The following MET variants were observed in gnomAD, a reference collection of about 807,000 sequenced individuals.
MET encodes hepatocyte growth factor receptor.
MET carries 48 observed loss-of-function variants against 133.1 expected under a neutral mutation model. The ratio of observed to expected loss-of-function variants is 0.36; its 90% CI spans 0.29 to 0.46. MET has a LOEUF of 0.46. Ranked by LOEUF, MET falls within the 20% of genes least tolerant of loss-of-function variation. The pLI is 1.00. For missense variants in MET, 1,442 were observed against 1,695.9 expected, an observed-to-expected ratio of 0.85 and a Z score of 2.63; for synonymous variants, 628 against 616.5, an observed-to-expected ratio of 1.02 and a Z score of -0.28.
intron 19 of MET, 152 bp from the exon 20 acceptor site, chr7:116,795,503 G>A (rs2117106087): frequency 2.1e-6 from 2 of 932,714 alleles, no homozygotes; most frequent in East Asian, 2.4e-5. Flanking sequence ...GAAATGTATA[G>A]CTTAATAATT....
At chr7:116,719,245 G>C (rs1236158827) in intron 2 of MET, among the ~76,000 whole-genome samples, 8 of 147,234 alleles carry the variant, frequency 5.4e-5, no homozygotes, top group Non-Finnish European at 1.2e-4. Context: ...GATGGCCAGT[G>C]ATGATGAGCA....
intron 19 of MET, among the ~76,000 whole-genome samples, chr7:116,784,693 T>A (rs1010525134): frequency 3.9e-5 from 6 of 152,164 alleles, no homozygotes; most frequent in Non-Finnish European, 8.8e-5. Flanking sequence ...CAATTTTACA[T>A]GAGAGTTGGG....
chr7:116,689,976 A>G (rs569744962), intron 1 of MET, among the ~76,000 whole-genome samples: 1 of 152,252 alleles, frequency 6.6e-6, no homozygotes, highest in African/African-American at 2.4e-5. Context: ...AAGGGCTTCA[A>G]GAACTTGAAC....
chr7:116,731,828 A>G lies in MET; in HGVS notation c.1361A>G (p.Asn454Ser). ...ATTAAAGGAGACCTCACCATAGCTA[A>G]TCTTGGGACATCAGAGGGTCGCTTC... is the stretch of plus-strand genomic sequence containing the variant. ...TFIKGDLTIA[N>S]LGTSEGRFMQ... The change falls in exon 3 of 21, where the codon AAT (asparagine) becomes AGT (serine). Residue 454 changes from asparagine (N) to serine (S), a missense_variant. By Grantham distance (46) the Asn-to-Ser change is conservative. Around this residue, in one of 6 missense-constraint regions of MET, gnomAD observed 762 missense variants for 792.4 expected, o/e 0.96. Coordinates refer to ENST00000397752, the MANE Select transcript of MET (RefSeq NM_000245.4). 1 of 1,614,060 alleles carries G rather than the reference A, an allele frequency of 6.2e-7. No individual in the cohort carries two copies. Among genetic ancestry groups the G allele is most frequent in the Non-Finnish European group, 8.5e-7 (1 of 1,179,930 alleles).
At chr7:116,738,399 A>G (rs905762881) in intron 3 of MET, among the ~76,000 whole-genome samples, 2 of 152,144 alleles carry the variant, frequency 1.3e-5, no homozygotes, top group Non-Finnish European at 2.9e-5. Flanking sequence ...ACCCAAAGGG[A>G]GGTGGGACTG....
At chr7:116,743,275 G>T (rs1478591342) in intron 5 of MET, among the ~76,000 whole-genome samples, 1 of 152,230 alleles carries the variant, frequency 6.6e-6, no homozygotes, top group Non-Finnish European at 1.5e-5. Context: ...TACACCACCA[G>T]GACCCTGGGT....
intron 11 of MET, among the ~76,000 whole-genome samples, chr7:116,764,168 A>G (rs1312007874): frequency 6.6e-6 from 1 of 152,092 alleles, no homozygotes; most frequent in African/African-American, 2.4e-5. Context: ...AATTTTTCTG[A>G]CTTTTTCAAC....
chr7:116,787,465 G>T (rs185799332), intron 19 of MET, among the ~76,000 whole-genome samples: 1 of 152,172 alleles, frequency 6.6e-6, no homozygotes, highest in Non-Finnish European at 1.5e-5. Flanking sequence ...AGATCAAGGG[G>T]CCACATGTGC....
intron 1 of MET, among the ~76,000 whole-genome samples, chr7:116,692,760 A>G (rs1796817392): frequency 6.6e-6 from 1 of 152,230 alleles, no homozygotes; most frequent in South Asian, 2.1e-4. Context: ...TTTGCCAGTG[A>G]TATTACCTTA....
At chr7:116,726,883 G>A (rs553774616) in intron 2 of MET, among the ~76,000 whole-genome samples, 1 of 152,318 alleles carries the variant, frequency 6.6e-6, no homozygotes, top group African/African-American at 2.4e-5. Context: ...CAGTGAGGAA[G>A]CACTTAGGCT....
chr7:116,761,679 A>G (rs866139419), intron 10 of MET, among the ~76,000 whole-genome samples: 3 of 152,246 alleles, frequency 2.0e-5, no homozygotes, highest in Middle Eastern at 3.4e-3. Context: ...TATGTAAACA[A>G]TTATTGTGAT....
chr7:116,795,666 C>G lies in MET; in HGVS notation c.3810C>G (p.Gly1270=), dbSNP rs200865810. The change falls in exon 20 of 21, where the codon GGC becomes GGG. Residue 1270 remains glycine (G), a synonymous_variant. Transcript: ENST00000397752. The stretch of plus-strand genomic sequence containing the variant: ...TCTTGTTTTACTAGTGGTCCTTTGG[C>G]GTGCTCCTCTGGGAGCTGATGACAA... ...FTTKSDVWSF[G]VLLWELMTRG... 1.9e-6 allele frequency: 3 copies of G among 1,613,876 alleles called. No individual in the cohort carries two copies. Among genetic ancestry groups the G allele is most frequent in the Non-Finnish European group, 2.5e-6 (3 of 1,180,004 alleles).
chr7:116,757,239 C>T (rs1232614145), intron 6 of MET, among the ~76,000 whole-genome samples, 198 bp from the exon 7 acceptor site: 1 of 152,048 alleles, frequency 6.6e-6, no homozygotes, highest in Non-Finnish European at 1.5e-5. Flanking sequence ...TCTCTTTTTA[C>T]ATAAAAATAA....
intron 8 of MET, 124 bp from the exon 9 acceptor site, chr7:116,758,335 G>T (rs1264001884): frequency 1.1e-6 from 1 of 948,780 alleles, no homozygotes; most frequent in Non-Finnish European, 1.6e-6. Context: ...ACTAGAAAAG[G>T]CTTCCACTCA....
In MET at chr7:116,720,067, A is replaced by C. The variant is rs547930175; in HGVS notation, c.1201-11601A>C. Among the ~76,000 whole-genome samples, 271 of 152,318 alleles carry C rather than the reference A, an allele frequency of 1.8e-3. 2 individuals are homozygous for C. The highest frequency in any genetic ancestry group is 6.2e-3 in the African/African-American group (257 of 41,560). On this transcript the variant is annotated intron_variant, in intron 2 of 20. Transcript: ENST00000397752. ...TTTATGGGGATGGCATTGAATCTAT[A>C]AATTACCTTGGGCAGTATGGCCATT...
At chr7:116,714,634 A>C (rs897891127) in intron 2 of MET, among the ~76,000 whole-genome samples, 1 of 152,192 alleles carries the variant, frequency 6.6e-6, no homozygotes, top group African/African-American at 2.4e-5. Flanking sequence ...CCAAGGTAGA[A>C]GCATTTGCCA....
rs1554390925 is a variant in MET, at chr7:116,740,012, A to G, written c.1455A>G (p.Pro485=). 11 of 1,614,190 alleles carry G rather than the reference A, an allele frequency of 6.8e-6. No individual in the cohort carries two copies. The highest frequency in any genetic ancestry group is 9.3e-6 in the Non-Finnish European group (11 of 1,180,002). ...TGAATTTTCTCCTGGACTCCCATCC[A>G]GTGTCTCCAGAAGTGATTGTGGAGC... ...PHVNFLLDSH[P]VSPEVIVEHT... The change falls in exon 4 of 21, where the codon CCA becomes CCG. Residue 485 remains proline (P), a synonymous_variant. Coordinates refer to ENST00000397752, the MANE Select transcript of MET (RefSeq NM_000245.4).
intron 2 of MET, among the ~76,000 whole-genome samples, chr7:116,725,503 TTATG>T (rs1404976765): frequency 1.3e-5 from 2 of 149,234 alleles, no homozygotes; most frequent in Non-Finnish European, 3.0e-5. Flanking sequence ...CACAAAAGAA[TTATG>T]TACGGTCCTG....
At chr7:116,754,832 G>T (rs1584937504) in intron 5 of MET, among the ~76,000 whole-genome samples, 1 of 138,308 alleles carries the variant, frequency 7.2e-6, no homozygotes, top group Admixed American at 7.6e-5. Context: ...GAAAAGAAAA[G>T]AAAGAAGGAA....
Sources: allele counts gnomAD v4.1 joint callset (sites outside exome capture counted in the v4.1 genomes callset), GRCh38; gene constraint gnomAD v4.1.1; regional missense constraint gnomAD v4.1.1; transcripts MANE v1.5; gene names NCBI Gene and HGNC (gene_info 2026-07-23, HGNC 2026-07-21).